Variants in DOCK3 observed in about 807,000 individuals in gnomAD.
DOCK3 encodes dedicator of cytokinesis protein 3.
A neutral mutation model predicts 265.6 loss-of-function variants in DOCK3; 60 were observed. The ratio of observed to expected loss-of-function variants is 0.23; its 90% CI spans 0.18 to 0.28. The LOEUF (loss-of-function observed/expected upper bound fraction) is 0.28. Ranked by LOEUF, DOCK3 falls within the 10% of genes least tolerant of loss-of-function variation. DOCK3 has a pLI of 1.00. For synonymous variants in DOCK3, 881 were observed against 938.0 expected (o/e 0.94, Z 1.11); for missense variants, 1,981 against 2,594.3 (o/e 0.76, Z 5.14).
At chr3:50,909,502 G>T (rs1350404109) in intron 4 of DOCK3, among the ~76,000 whole-genome samples, 2 of 152,022 alleles carry the variant, frequency 1.3e-5, no homozygotes, top group Non-Finnish European at 2.9e-5. Context: ...GAAATTCTGG[G>T]TTGGAAATTT....
chr3:50,908,213 T>C (rs574677374), intron 4 of DOCK3, among the ~76,000 whole-genome samples: 8 of 141,108 alleles, frequency 5.7e-5, no homozygotes, highest in Admixed American at 2.1e-4. Flanking sequence ...TTTTTTTTCA[T>C]CTCAATTTAT....
intron 9 of DOCK3, among the ~76,000 whole-genome samples, chr3:51,126,520 C>T (rs1217289968): frequency 2.6e-5 from 4 of 152,202 alleles, no homozygotes; most frequent in Non-Finnish European, 4.4e-5. Flanking sequence ...AGCGTCCTCA[C>T]ATGGGCACAC....
At chr3:50,773,130 T>C (rs541676653) in intron 1 of DOCK3, among the ~76,000 whole-genome samples, 1 of 152,042 alleles carries the variant, frequency 6.6e-6, no homozygotes, top group Non-Finnish European at 1.5e-5. Flanking sequence ...CTAAAATAAG[T>C]CCACAGTTAC....
intron 5 of DOCK3, among the ~76,000 whole-genome samples, chr3:51,018,252 C>G (rs948152270): frequency 4.6e-5 from 7 of 151,700 alleles, no homozygotes; most frequent in Non-Finnish European, 8.8e-5. Flanking sequence ...TTTGTCCATT[C>G]TGCTGAGCAA....
chr3:50,775,135 C>G (rs1464230314), intron 1 of DOCK3, among the ~76,000 whole-genome samples: 2 of 151,882 alleles, frequency 1.3e-5, no homozygotes, highest in African/African-American at 2.4e-5. Flanking sequence ...TGTCCTCAGG[C>G]TTTGCTGTCA....
At chr3:51,073,423 C>T (rs1326183709) in intron 6 of DOCK3, among the ~76,000 whole-genome samples, 7 of 152,128 alleles carry the variant, frequency 4.6e-5, no homozygotes, top group African/African-American at 1.2e-4. Flanking sequence ...TGTTAGAAGC[C>T]GGAGGCCTGA....
intron 2 of DOCK3, among the ~76,000 whole-genome samples, chr3:50,793,358 CTTT>C (rs568370017): frequency 3.8e-5 from 5 of 130,756 alleles, no homozygotes; most frequent in Admixed American, 1.5e-4. Flanking sequence ...TTTTCTTTTT[CTTT>C]TTTTTTTTTT....
intron 2 of DOCK3, among the ~76,000 whole-genome samples, chr3:50,824,409 A>G (rs974608577): frequency 6.6e-6 from 1 of 152,228 alleles, no homozygotes; most frequent in Non-Finnish European, 1.5e-5. Context: ...TGGGTCTTGA[A>G]GATAGCCTGT....
chr3:50,849,176 A>G (rs1333072083), intron 3 of DOCK3, among the ~76,000 whole-genome samples: 3 of 152,076 alleles, frequency 2.0e-5, no homozygotes, highest in Admixed American at 6.6e-5. Flanking sequence ...CTGGGACCAC[A>G]GGCACATGCC....
At chr3:51,293,378 A>T (rs11130286) in intron 27 of DOCK3, among the ~76,000 whole-genome samples, 2 of 152,046 alleles carry the variant, frequency 1.3e-5, no homozygotes, top group Non-Finnish European at 2.9e-5. Flanking sequence ...CAATGAAAAA[A>T]GGAGAGTCTC....
intron 24 of DOCK3, among the ~76,000 whole-genome samples, chr3:51,272,927 G>A (rs1276121874): frequency 6.6e-6 from 1 of 152,064 alleles, no homozygotes; most frequent in Non-Finnish European, 1.5e-5. Context: ...CACTTTGGGA[G>A]GCCAAGGTGT....
intron 5 of DOCK3, among the ~76,000 whole-genome samples, chr3:50,951,994 G>A (rs535009402): frequency 6.6e-6 from 1 of 152,132 alleles, no homozygotes; most frequent in African/African-American, 2.4e-5. Context: ...GCACATTTTC[G>A]ACAGAAATAT....
At chr3:51,280,045 A>AT in intron 26 of DOCK3, 61 bp from the exon 27 acceptor site, 10 of 1,403,118 alleles carry the variant, frequency 7.1e-6, no homozygotes, top group Non-Finnish European at 9.0e-6. Flanking sequence ...CCCTCTATGG[A>AT]TTGGGGGAAC....
intron 21 of DOCK3, 77 bp downstream of exon 21, chr3:51,237,667 C>G (rs2108485230): frequency 7.7e-7 from 1 of 1,290,746 alleles, no homozygotes; most frequent in East Asian, 2.5e-5. Context: ...TAGCTGCAAC[C>G]AGCATTTAAA....
At chr3:51,362,285 G>A (rs901696143) in intron 48 of DOCK3, among the ~76,000 whole-genome samples, 3 of 152,192 alleles carry the variant, frequency 2.0e-5, no homozygotes, top group Non-Finnish European at 4.4e-5. Context: ...TGGCATTCCT[G>A]TTGGCTTAGC....
rs1197341076 is a variant in DOCK3, at chr3:51,149,320, G to A, written c.828+2690G>A. Among the ~76,000 whole-genome samples, 12 of 152,152 alleles carry A rather than the reference G, an allele frequency of 7.9e-5. No homozygotes were observed. The East Asian group carries it at 9.7e-4, about 12-fold the overall frequency. Reference sequence around the variant, plus strand: ...TTTGACTTCCTCTTTTCCTAATTCAGTACCCTTTATTTCTTTCTCTTGCCT... The same window carrying A: ...TTTGACTTCCTCTTTTCCTAATTCAATACCCTTTATTTCTTTCTCTTGCCT... On this transcript the variant is annotated intron_variant, in intron 10 of 52. Transcript: ENST00000266037.
At chr3:51,216,286 G>T (rs1377122106) in intron 14 of DOCK3, among the ~76,000 whole-genome samples, 2 of 152,314 alleles carry the variant, frequency 1.3e-5, no homozygotes, top group South Asian at 2.1e-4. Flanking sequence ...TCTGTGGAAA[G>T]AAATCTTTTT....
chr3:50,736,204 T>C (rs2038596766), intron 1 of DOCK3, among the ~76,000 whole-genome samples: 1 of 152,192 alleles, frequency 6.6e-6, no homozygotes, highest in Non-Finnish European at 1.5e-5. Context: ...TCCAGCTTCA[T>C]CCATGTCCCT....
intron 1 of DOCK3, among the ~76,000 whole-genome samples, chr3:50,729,229 G>A (rs974216242): frequency 6.8e-6 from 1 of 147,910 alleles, no homozygotes; most frequent in African/African-American, 2.4e-5. Flanking sequence ...GAGGCTTAAG[G>A]TGAGATCGCT....
Sources: allele counts gnomAD v4.1 joint callset (sites outside exome capture counted in the v4.1 genomes callset), GRCh38; gene constraint gnomAD v4.1.1; transcripts MANE v1.5; gene names NCBI Gene and HGNC (gene_info 2026-07-23, HGNC 2026-07-21).